The following SLC16A13 variants were observed in gnomAD, a reference collection of about 807,000 sequenced individuals.
The protein encoded by SLC16A13 is monocarboxylate transporter 13.
SLC16A13 carries 28 observed loss-of-function variants against 28.1 expected under a neutral mutation model. That is an observed-to-expected ratio of 1.00 (90% CI 0.74 to 1.37). The LOEUF (loss-of-function observed/expected upper bound fraction) is 1.37, where lower values mean the gene tolerates loss of function less well. Ranked by LOEUF, SLC16A13 falls within the 40% of genes most tolerant of loss-of-function variation. The pLI is 0.00. For synonymous variants in SLC16A13, 228 were observed against 241.6 expected, an observed-to-expected ratio of 0.94 and a Z score of 0.52; for missense variants, 482 against 531.8, an observed-to-expected ratio of 0.91 and a Z score of 0.92.
rs781620158 is a variant in SLC16A13, at chr17:7,038,330, G to A, written c.522G>A (p.Leu174=). ...ACGCCTGGAGGGGGTCCCTGCTGCT[G>A]GTGTCTGCCCTCTCCCTCCACCTAG... The part of the protein sequence containing the change: ...SHYAWRGSLL[L]VSALSLHLVA... The change falls in exon 3 of 4, where the codon CTG becomes CTA. Residue 174 remains leucine (L), a synonymous_variant. Coordinates refer to ENST00000308027, the MANE Select transcript of SLC16A13 (RefSeq NM_201566.3). The surrounding 1 kb of genome is among the most constrained non-coding windows in gnomAD (Gnocchi z 5.7). The A allele has an allele frequency of 1.2e-6, 2 of 1,614,038 alleles. No individual in the cohort carries two copies. Among genetic ancestry groups the A allele is most frequent in the South Asian group, 1.1e-5 (1 of 91,082 alleles).
In SLC16A13 at chr17:7,039,686, C is replaced by T. The variant is rs1910670894; in HGVS notation, c.1082-77C>T. On this transcript the variant is annotated intron_variant, in intron 3 of 3. Coordinates refer to ENST00000308027, the MANE Select transcript of SLC16A13 (RefSeq NM_201566.3). This position sits in a 1 kb window ranked among gnomAD's most constrained non-coding sequence, Gnocchi z 4.3. ...CCTCTGAGATGATAAGTCTTCCCTC[C>T]ACCCAAAAATGTATCTGAGCCCTCA... 7.4e-6 allele frequency: 11 copies of T among 1,480,744 alleles called. No homozygotes were observed. Among genetic ancestry groups the T allele is most frequent in the Non-Finnish European group, 9.4e-6 (10 of 1,067,284 alleles). 91.7% of individuals were successfully genotyped at this position (1,480,744 alleles called of 1,614,324 possible). A position where few individuals can be genotyped will look rare whatever the true frequency, so the allele number is the denominator to read the frequency against.
At position 7,038,085 on chromosome 17, in the gene SLC16A13, A is replaced by G. The variant is rs919898324; in HGVS notation, c.344-67A>G. ...AAGTGCTACATTCTGCTGCTGGGCAATGCGGGGATTACTGTGTGCCTTGAG... is the reference window on the plus strand; with the variant it reads ...AAGTGCTACATTCTGCTGCTGGGCAGTGCGGGGATTACTGTGTGCCTTGAG... On this transcript the variant is annotated intron_variant, in intron 2 of 3. Coordinates refer to ENST00000308027, the MANE Select transcript of SLC16A13 (RefSeq NM_201566.3). This position sits in a 1 kb window ranked among gnomAD's most constrained non-coding sequence, Gnocchi z 5.7. The G allele has an allele frequency of 3.9e-6, 6 of 1,528,668 alleles. No homozygotes were observed. The African/African-American group carries it at 5.5e-5, about 14-fold the overall frequency. 94.7% of individuals were successfully genotyped at this position (1,528,668 alleles called of 1,614,324 possible). A position where few individuals can be genotyped will look rare whatever the true frequency, so the allele number is the denominator to read the frequency against.
At position 7,039,665 on chromosome 17, in the gene SLC16A13, T is replaced by G; in HGVS notation, c.1082-98T>G. On this transcript the variant is annotated intron_variant, in intron 3 of 3. Transcript: ENST00000308027. This position sits in a 1 kb window ranked among gnomAD's most constrained non-coding sequence, Gnocchi z 4.3. ...TATTCCATGGGAGTTCCAACTCCTCTGAGATGATAAGTCTTCCCTCCACCC... is the reference window on the plus strand; with the variant it reads ...TATTCCATGGGAGTTCCAACTCCTCGGAGATGATAAGTCTTCCCTCCACCC... 5 of 1,278,206 alleles carry G rather than the reference T, an allele frequency of 3.9e-6. No individual in the cohort carries two copies. The highest frequency in any genetic ancestry group is 5.6e-6 in the Non-Finnish European group (5 of 896,568). 79.2% of individuals were successfully genotyped at this position (1,278,206 alleles called of 1,614,324 possible).
chr17:7,038,944 G>A lies in SLC16A13; in HGVS notation c.1081+55G>A. ...GGGCTGCCATGTTGCACAACTAGGG[G>A]AGGGTACTATTCTCATTACAGTGTA... On this transcript the variant is annotated intron_variant, in intron 3 of 3. Coordinates refer to ENST00000308027, the MANE Select transcript of SLC16A13 (RefSeq NM_201566.3). This position sits in a 1 kb window ranked among gnomAD's most constrained non-coding sequence, Gnocchi z 5.7. 2.6e-6 allele frequency: 4 copies of A among 1,553,284 alleles called. No homozygotes were observed. Among genetic ancestry groups the A allele is most frequent in the Non-Finnish European group, 3.5e-6 (4 of 1,153,510 alleles).
Position 7,038,934 on chromosome 17 carries a change from A to G in SLC16A13, c.1081+45A>G. Reference sequence around the variant, plus strand: ...CAGGGGGTGAGGGCTGCCATGTTGCACAACTAGGGGAGGGTACTATTCTCA... The same window carrying G: ...CAGGGGGTGAGGGCTGCCATGTTGCGCAACTAGGGGAGGGTACTATTCTCA... On this transcript the variant is annotated intron_variant, in intron 3 of 3. Coordinates refer to ENST00000308027, the MANE Select transcript of SLC16A13 (RefSeq NM_201566.3). This position sits in a 1 kb window ranked among gnomAD's most constrained non-coding sequence, Gnocchi z 5.7. 6.4e-7 allele frequency: 1 copy of G among 1,563,620 alleles called. No individual in the cohort carries two copies. Among genetic ancestry groups the G allele is most frequent in the Non-Finnish European group, 8.6e-7 (1 of 1,157,434 alleles).
chr17:7,037,023 G>T, intron 2 of SLC16A13, 153 bp downstream of exon 2: 1 of 960,978 alleles, frequency 1.0e-6, no homozygotes. Flanking sequence ...AATGACTAAA[G>T]CGACAAACAT....
intron 1 of SLC16A13, 48 bp from the exon 2 acceptor site, chr17:7,036,679 G>T (rs201911271): frequency 2.1e-5 from 34 of 1,607,372 alleles, no homozygotes; most frequent in Non-Finnish European, 2.7e-5. Flanking sequence ...GAGATGCTGG[G>T]GGGGAGACCC....
chr17:7,037,679 T>C lies in SLC16A13; in HGVS notation c.344-473T>C, dbSNP rs1272537793. ...AAGCAGAGCTTGCAGTGAGCCGAGA[T>C]TGCACCACTGCACTCCAGCCTGGGC... is the stretch of plus-strand genomic sequence containing the variant. On this transcript the variant is annotated intron_variant, in intron 2 of 3. Coordinates refer to ENST00000308027, the MANE Select transcript of SLC16A13 (RefSeq NM_201566.3). 3.3e-5 allele frequency among the ~76,000 whole-genome samples: 5 copies of C among 150,962 alleles called. No homozygotes were observed. The East Asian group carries it at 5.9e-4, about 18-fold the overall frequency.
Position 7,036,583 on chromosome 17 carries a change from T to C in SLC16A13, c.199+2T>C, listed in dbSNP as rs1441898918. ...GAATCGCGGTGCAGCAGTTTGGGAG[T>C]GAGTGCGGCGCCTGGATCTGGCGGA... is the stretch of plus-strand genomic sequence containing the variant. On this transcript the variant is annotated splice_donor_variant, in intron 1 of 3. Coordinates refer to ENST00000308027, the MANE Select transcript of SLC16A13 (RefSeq NM_201566.3). LOFTEE classifies it high-confidence loss of function. The C allele has an allele frequency of 1.9e-6, 3 of 1,611,570 alleles. No homozygotes were observed. The highest frequency in any genetic ancestry group is 1.1e-5 in the South Asian group (1 of 90,986).
intron 2 of SLC16A13, among the ~76,000 whole-genome samples, chr17:7,037,675 G>A (rs1048803080): frequency 1.3e-5 from 2 of 149,478 alleles, no homozygotes; most frequent in Non-Finnish European, 3.0e-5. Context: ...GCAGTGAGCC[G>A]AGATTGCACC....
chr17:7,036,151 G>C lies in SLC16A13; in HGVS notation c.-232G>C. 2.1e-6 allele frequency: 1 copy of C among 476,656 alleles called. No homozygotes were observed. Among genetic ancestry groups the C allele is most frequent in the South Asian group, 3.7e-5 (1 of 27,222 alleles). The allele number at this position is 476,656 out of a possible 1,614,324, so 29.5% of individuals were successfully genotyped here. On this transcript the variant is annotated 5_prime_UTR_variant, in exon 1 of 4. Transcript: ENST00000308027. Reference sequence around the variant, plus strand: ...TCCGAGCTCGCGGAACCACGCCCCCGGGAGACTCTGGCCCGGCCAGCGCGG... The same window carrying C: ...TCCGAGCTCGCGGAACCACGCCCCCCGGAGACTCTGGCCCGGCCAGCGCGG...
chr17:7,036,926 C>A (rs551620255), intron 2 of SLC16A13, 56 bp downstream of exon 2: 43 of 1,578,582 alleles, frequency 2.7e-5, no homozygotes, highest in Non-Finnish European at 3.6e-5. Context: ...GGATGTTCAC[C>A]TCCTTCCTGC....
At position 7,036,173 on chromosome 17, in the gene SLC16A13, G is replaced by A; in HGVS notation, c.-210G>A. On this transcript the variant is annotated 5_prime_UTR_variant, in exon 1 of 4. Coordinates refer to ENST00000308027, the MANE Select transcript of SLC16A13 (RefSeq NM_201566.3). The stretch of plus-strand genomic sequence containing the variant: ...CCCGGGAGACTCTGGCCCGGCCAGC[G>A]CGGGCCAGGTCTTCAGTCCTATATC... The A allele has an allele frequency of 1.9e-6, 1 of 518,828 alleles. No homozygotes were observed. Among genetic ancestry groups the A allele is most frequent in the Non-Finnish European group, 3.4e-6 (1 of 295,474 alleles). The allele number at this position is 518,828 out of a possible 1,614,324, so 32.1% of individuals were successfully genotyped here.
chr17:7,038,218 G>C lies in SLC16A13; in HGVS notation c.410G>C (p.Arg137Pro). Reference protein sequence around the residue: ...ACLSCYFSRRRSLATGLALTG... With the variant: ...ACLSCYFSRRPSLATGLALTG... The stretch of plus-strand genomic sequence containing the variant: ...CTGTCCTGTTATTTCTCTCGCCGAC[G>C]ATCCCTGGCCACCGGGCTGGCACTG... Residue 137 changes from arginine (R) to proline (P), a missense_variant, in exon 3 of 4, where the codon CGA (arginine) becomes CCA (proline). Arg to Pro is a moderately radical substitution (Grantham distance 103). Transcript: ENST00000308027. This position sits in a 1 kb window ranked among gnomAD's most constrained non-coding sequence, Gnocchi z 5.7. The C allele has an allele frequency of 1.9e-6, 3 of 1,614,096 alleles. No individual in the cohort carries two copies. Among genetic ancestry groups the C allele is most frequent in the Non-Finnish European group, 2.5e-6 (3 of 1,180,016 alleles).
Position 7,039,661 on chromosome 17 carries a change from C to A in SLC16A13, c.1082-102C>A. On this transcript the variant is annotated intron_variant, in intron 3 of 3. Transcript: ENST00000308027. This position sits in a 1 kb window ranked among gnomAD's most constrained non-coding sequence, Gnocchi z 4.3. Reference sequence around the variant, plus strand: ...CAACTATTCCATGGGAGTTCCAACTCCTCTGAGATGATAAGTCTTCCCTCC... The same window carrying A: ...CAACTATTCCATGGGAGTTCCAACTACTCTGAGATGATAAGTCTTCCCTCC... 8.1e-7 allele frequency: 1 copy of A among 1,238,806 alleles called. No homozygotes were observed. Among genetic ancestry groups the A allele is most frequent in the Non-Finnish European group, 1.2e-6 (1 of 862,986 alleles). 76.7% of individuals were successfully genotyped at this position (1,238,806 alleles called of 1,614,324 possible). A position where few individuals can be genotyped will look rare whatever the true frequency, so the allele number is the denominator to read the frequency against.
Position 7,038,104 on chromosome 17 carries a change from C to G in SLC16A13, c.344-48C>G. The stretch of plus-strand genomic sequence containing the variant: ...TGGGCAATGCGGGGATTACTGTGTG[C>G]CTTGAGCTCCCTAAGAGTTCTCAAC... On this transcript the variant is annotated intron_variant, in intron 2 of 3. Coordinates refer to ENST00000308027, the MANE Select transcript of SLC16A13 (RefSeq NM_201566.3). The surrounding 1 kb of genome is among the most constrained non-coding windows in gnomAD (Gnocchi z 5.7). The G allele has an allele frequency of 6.4e-7, 1 of 1,565,786 alleles. No homozygotes were observed. Among genetic ancestry groups the G allele is most frequent in the Non-Finnish European group, 8.6e-7 (1 of 1,157,396 alleles).
rs759470197 is a variant in SLC16A13, at chr17:7,038,185, T to C, written c.377T>C (p.Leu126Pro). 1.2e-6 allele frequency: 2 copies of C among 1,613,860 alleles called. No homozygotes were observed. The highest frequency in any genetic ancestry group is 4.5e-5 in the East Asian group (2 of 44,898). Reference sequence around the variant, plus strand: ...TGGGCTTTGACCTTCGCTCCGACCCTGGCCTGCCTGTCCTGTTATTTCTCT... The same window carrying C: ...TGGGCTTTGACCTTCGCTCCGACCCCGGCCTGCCTGTCCTGTTATTTCTCT... Reference protein sequence around the residue: ...SGWALTFAPTLACLSCYFSRR... With the variant: ...SGWALTFAPTPACLSCYFSRR... Residue 126 changes from leucine (L) to proline (P), a missense_variant, in exon 3 of 4, where the codon CTG becomes CCG. Leu to Pro is a moderately conservative substitution (Grantham distance 98). Transcript: ENST00000308027. The surrounding 1 kb of genome is among the most constrained non-coding windows in gnomAD (Gnocchi z 5.7).
chr17:7,037,341 C>CAAAAAAAAAAAAAAAAA (rs57010713), intron 2 of SLC16A13, among the ~76,000 whole-genome samples: 1 of 41,998 alleles, frequency 2.4e-5, no homozygotes, highest in African/African-American at 9.2e-5. Flanking sequence ...GATTCTGTCT[C>CAAAAAAAAAAAAAAAAA]AAAAAAAAAA....
Position 7,038,941 on chromosome 17 carries a change from G to A in SLC16A13, c.1081+52G>A. 1 of 1,556,170 alleles carries A rather than the reference G, an allele frequency of 6.4e-7. No homozygotes were observed. Among genetic ancestry groups the A allele is most frequent in the African/African-American group, 1.4e-5 (1 of 73,534 alleles). ...TGAGGGCTGCCATGTTGCACAACTA[G>A]GGGAGGGTACTATTCTCATTACAGT... is the stretch of plus-strand genomic sequence containing the variant. On this transcript the variant is annotated intron_variant, in intron 3 of 3. Coordinates refer to ENST00000308027, the MANE Select transcript of SLC16A13 (RefSeq NM_201566.3). The surrounding 1 kb of genome is among the most constrained non-coding windows in gnomAD (Gnocchi z 5.7).
Sources: gnomAD v4.1 joint callset for allele counts (sites outside exome capture counted in the v4.1 genomes callset) on GRCh38, gnomAD v4.1.1 for gene constraint, Gnocchi (gnomAD v3.1) non-coding constraint, MANE v1.5 for transcripts, NCBI Gene and HGNC (gene_info 2026-07-23, HGNC 2026-07-21) for gene names.